The following PLEKHG1 variants were observed in gnomAD, a reference collection of about 807,000 sequenced individuals.
The protein encoded by PLEKHG1 is pleckstrin homology domain-containing family G member 1.
Under a neutral mutation model 100.8 loss-of-function variants are expected in PLEKHG1, and 44 were observed. The ratio of observed to expected loss-of-function variants is 0.44; its 90% CI spans 0.34 to 0.56. The LOEUF (loss-of-function observed/expected upper bound fraction) is 0.56. PLEKHG1 is among the 20% of genes least tolerant of loss of function. PLEKHG1 has a pLI of 0.01. For synonymous variants in PLEKHG1, 640 were observed against 662.5 expected (o/e 0.97, Z 0.52); for missense variants, 1,545 against 1,720.9 (o/e 0.90, Z 1.81).
intron 2 of PLEKHG1, among the ~76,000 whole-genome samples, chr6:150,741,168 A>G (rs1782835902): frequency 6.6e-6 from 1 of 152,218 alleles, no homozygotes; most frequent in Non-Finnish European, 1.5e-5. Context: ...AATGTGATAT[A>G]AATACCTGCT....
chr6:150,735,042 A>C (rs1293082406), intron 2 of PLEKHG1, among the ~76,000 whole-genome samples: 3 of 132,088 alleles, frequency 2.3e-5, no homozygotes, highest in Non-Finnish European at 4.6e-5. Context: ...GCTGGAGTGC[A>C]ATGGTGCGAT....
chr6:150,775,460 C>G (rs1433889554), intron 3 of PLEKHG1, among the ~76,000 whole-genome samples: 1 of 152,152 alleles, frequency 6.6e-6, no homozygotes, highest in Non-Finnish European at 1.5e-5. Context: ...TTTCCTTCAA[C>G]TCTTTTCTTT....
chr6:150,778,161 T>A (rs180794712), intron 3 of PLEKHG1, among the ~76,000 whole-genome samples: 103 of 152,340 alleles, frequency 6.8e-4, no homozygotes, highest in African/African-American at 2.5e-3. Context: ...GGAGTCTCAC[T>A]CTGTTGTCCA....
chr6:150,729,581 T>C (rs539310919), intron 1 of PLEKHG1, among the ~76,000 whole-genome samples: 11 of 152,358 alleles, frequency 7.2e-5, no homozygotes, highest in Admixed American at 3.3e-4. Flanking sequence ...TTCTAAGCAA[T>C]GAATCAACAT....
At chr6:150,788,677 T>C (rs1420773901) in intron 4 of PLEKHG1, among the ~76,000 whole-genome samples, 1 of 152,170 alleles carries the variant, frequency 6.6e-6, no homozygotes, top group African/African-American at 2.4e-5. Context: ...TGCCTTTACC[T>C]CCACCTTCAC....
intron 3 of PLEKHG1, among the ~76,000 whole-genome samples, chr6:150,702,510 G>A (rs1049502021): frequency 1.3e-5 from 2 of 150,948 alleles, no homozygotes; most frequent in African/African-American, 2.5e-5. Flanking sequence ...GTTATAAAGG[G>A]CATTGGGAAC....
chr6:150,656,440 G>C (rs1778974091), intron 3 of PLEKHG1, among the ~76,000 whole-genome samples: 1 of 152,052 alleles, frequency 6.6e-6, no homozygotes, highest in Non-Finnish European at 1.5e-5. Context: ...AATGAGGAGG[G>C]GGAAGGGGAC....
At chr6:150,648,798 G>T (rs929813119) in intron 2 of PLEKHG1, among the ~76,000 whole-genome samples, 1 of 151,942 alleles carries the variant, frequency 6.6e-6, no homozygotes, top group African/African-American at 2.4e-5. Context: ...TTATATTTTT[G>T]GTTCAGTGTT....
intron 2 of PLEKHG1, among the ~76,000 whole-genome samples, chr6:150,743,597 GTC>G (rs1782995422): frequency 6.6e-6 from 1 of 152,158 alleles, no homozygotes; most frequent in Non-Finnish European, 1.5e-5. Context: ...GAACATTACT[GTC>G]TCTACTAAAT....
chr6:150,613,210 T>C (rs1282296985), intron 1 of PLEKHG1, among the ~76,000 whole-genome samples: 1 of 152,220 alleles, frequency 6.6e-6, no homozygotes, highest in Non-Finnish European at 1.5e-5. Flanking sequence ...AGAGTCTTGC[T>C]GTCTCACTTC....
intron 1 of PLEKHG1, among the ~76,000 whole-genome samples, chr6:150,627,415 C>T (rs1777552600): frequency 6.6e-6 from 1 of 152,006 alleles, no homozygotes; most frequent in Admixed American, 6.6e-5. Flanking sequence ...GGGTTTCTTC[C>T]ACTCAGAAGG....
chr6:150,774,498 A>C (rs1474520549), intron 3 of PLEKHG1, among the ~76,000 whole-genome samples: 1 of 148,294 alleles, frequency 6.7e-6, no homozygotes, highest in Non-Finnish European at 1.5e-5. Context: ...CCCAGTCACA[A>C]TGTTTTGTCT....
At chr6:150,791,219 G>A (rs1272892738) in intron 4 of PLEKHG1, among the ~76,000 whole-genome samples, 5 of 152,154 alleles carry the variant, frequency 3.3e-5, no homozygotes, top group Non-Finnish European at 7.3e-5. Context: ...TGTTTTAACA[G>A]TCCCTCCAGG....
At chr6:150,685,615 T>C (rs1275092896) in intron 3 of PLEKHG1, among the ~76,000 whole-genome samples, 2 of 143,976 alleles carry the variant, frequency 1.4e-5, no homozygotes, top group African/African-American at 5.9e-5. Flanking sequence ...ATTTCGACTT[T>C]CTCTCTGACC....
At chr6:150,695,921 G>C (rs151009917) in intron 3 of PLEKHG1, among the ~76,000 whole-genome samples, 6 of 152,114 alleles carry the variant, frequency 3.9e-5, no homozygotes, top group African/African-American at 1.2e-4. Context: ...AGTCATACTC[G>C]TCAGGAAGAA....
intron 1 of PLEKHG1, among the ~76,000 whole-genome samples, chr6:150,634,280 G>GA (rs10693410): frequency 1.9e-4 from 28 of 145,020 alleles, no homozygotes; most frequent in African/African-American, 4.1e-4. Context: ...AGAGGAAGAA[G>GA]AAAAAAAAAA....
chr6:150,716,279 A>C (rs946912685), upstream of PLEKHG1, among the ~76,000 whole-genome samples: 6 of 152,192 alleles, frequency 3.9e-5, no homozygotes, highest in African/African-American at 1.4e-4. Flanking sequence ...AAGATCTTAA[A>C]TTACAAGATA....
chr6:150,642,324 T>G (rs1387784540), intron 2 of PLEKHG1, among the ~76,000 whole-genome samples: 1 of 152,198 alleles, frequency 6.6e-6, no homozygotes, highest in Non-Finnish European at 1.5e-5. Flanking sequence ...TAAAAGGTGG[T>G]GCTTATAAAA....
chr6:150,760,910 A>T (rs1436587081), intron 2 of PLEKHG1, among the ~76,000 whole-genome samples: 2 of 152,086 alleles, frequency 1.3e-5, no homozygotes, highest in East Asian at 3.9e-4. Flanking sequence ...AAGGCCTCTT[A>T]TAAGGACTTT....
Sources: gnomAD v4.1 joint callset for allele counts (sites outside exome capture counted in the v4.1 genomes callset) on GRCh38, gnomAD v4.1.1 for gene constraint, MANE v1.5 for transcripts, NCBI Gene and HGNC (gene_info 2026-07-23, HGNC 2026-07-21) for gene names.